ZNF182: variants seen among roughly 807,000 people sequenced by gnomAD.
The protein encoded by ZNF182 is zinc finger protein 182.
A neutral mutation model predicts 28.1 loss-of-function variants in ZNF182; 10 were observed. That is an observed-to-expected ratio of 0.36 (90% CI 0.22 to 0.60). The LOEUF (loss-of-function observed/expected upper bound fraction) is 0.60. Ranked by LOEUF, ZNF182 falls within the 20% of genes least tolerant of loss-of-function variation. The pLI is 0.75. For missense variants in ZNF182, 352 were observed against 453.2 expected (o/e 0.78, Z 2.03); for synonymous variants, 156 against 158.7 (o/e 0.98, Z 0.13).
Position 47,981,674 on chromosome X carries a change from G to A in ZNF182, c.232+1275C>T, listed in dbSNP as rs782294513. Among the ~76,000 whole-genome samples, 3 of 111,902 alleles carry A rather than the reference G, an allele frequency of 2.7e-5. No individual in the cohort carries two copies. The Admixed American group carries it at 2.8e-4, about 11-fold the overall frequency. ...CCAGCACTTTGGGAGGCCAAGGCAG[G>A]TGGATCACAAGGTCAGGAGATCGAG... On this transcript the variant is annotated intron_variant, in intron 5 of 5. Transcript: ENST00000376943.
intron 3 of ZNF182, among the ~76,000 whole-genome samples, chrX:47,992,451 C>T (rs782482979): frequency 7.2e-5 from 8 of 110,723 alleles, no homozygotes; most frequent in African/African-American, 2.0e-4. Flanking sequence ...CCCTCTGATC[C>T]CCACACCCCA....
chrX:47,988,258 A>G (rs1569409954), intron 3 of ZNF182, among the ~76,000 whole-genome samples: 1 of 110,647 alleles, frequency 9.0e-6, no homozygotes. Flanking sequence ...CGGAGGTTGC[A>G]GTGAGCTGAG....
At chrX:47,994,826 A>G (rs1281535826) in intron 3 of ZNF182, among the ~76,000 whole-genome samples, 4 of 109,989 alleles carry the variant, frequency 3.6e-5, no homozygotes, top group Non-Finnish European at 7.6e-5. Flanking sequence ...CTTAGTAGAG[A>G]CAGGGTTTCG....
Position 47,988,634 on chromosome X carries a change from C to T in ZNF182, c.16-5223G>A, listed in dbSNP as rs782295432. 1.6e-4 allele frequency: 57 copies of T among 366,100 alleles called. No homozygotes were observed. The South Asian group carries it at 3.5e-3, about 23-fold the overall frequency. The allele number at this position is 366,100 out of a possible 1,213,427, so 30.2% of individuals were successfully genotyped here. ...CTTGCAGGACTGTGAGCCAAATAAACCACTTTTCTTTATAACTTTTTTTTT... is the reference window on the plus strand; with the variant it reads ...CTTGCAGGACTGTGAGCCAAATAAATCACTTTTCTTTATAACTTTTTTTTT... On this transcript the variant is annotated intron_variant, in intron 3 of 5. Coordinates refer to ENST00000376943, the MANE Select transcript of ZNF182 (RefSeq NM_001007088.2).
At position 47,975,085 on chromosome X, in the gene ZNF182, T is replaced by C. The variant is rs2058877693; in HGVS notation, c.*1082A>G. 1 of 111,740 alleles carries C rather than the reference T, an allele frequency of 8.9e-6. No individual in the cohort carries two copies. The highest frequency in any genetic ancestry group is 9.5e-5 in the Admixed American group (1 of 10,519). 9.2% of individuals were successfully genotyped at this position (111,740 alleles called of 1,213,427 possible). On this transcript the variant is annotated 3_prime_UTR_variant, in exon 6 of 6. Transcript: ENST00000376943. ...ACTTACCATTTTTCTCCTTTTTATA[T>C]ACAAATGGCAGTCACTGTCCTCAAC...
chrX:47,989,717 A>T (rs782123407), intron 3 of ZNF182, among the ~76,000 whole-genome samples: 1 of 112,356 alleles, frequency 8.9e-6, no homozygotes, highest in Non-Finnish European at 1.9e-5. Context: ...ATTTAATGAT[A>T]TAGGAGAATG....
chrX:48,001,531 G>A (rs919274048), intron 3 of ZNF182, among the ~76,000 whole-genome samples: 5 of 111,799 alleles, frequency 4.5e-5, no homozygotes, highest in Admixed American at 1.9e-4. Flanking sequence ...CAAGAGTTTA[G>A]GAATGGGTAT....
chrX:47,986,693 G>C (rs1343985639), intron 3 of ZNF182, among the ~76,000 whole-genome samples: 2 of 111,501 alleles, frequency 1.8e-5, no homozygotes, highest in African/African-American at 6.5e-5. Context: ...ATTAACATTT[G>C]AGTCAATGGA....
rs782062297 is a variant in ZNF182 at position 47,982,950 on chromosome X, T to C, written c.231A>G (p.Pro77=). The C allele has an allele frequency of 8.3e-7, 1 of 1,210,492 alleles. No homozygotes were observed. Among genetic ancestry groups the C allele is most frequent in the Admixed American group, 2.2e-5 (1 of 46,022 alleles). The change falls in exon 5 of 6, where the codon CCA becomes CCG. Residue 77 remains proline, a splice_region_variant and synonymous_variant. Transcript: ENST00000376943. ...AGCCTGGGTCAAAATTCCACTTACC[T>C]GGAAAGTTCCAAAATGGGATTTTTC... The part of the protein sequence containing the change: ...AEGKIPFWNF[P]EVCQVDEQIE...
At chrX:47,995,793 C>T (rs1307094465) in intron 3 of ZNF182, among the ~76,000 whole-genome samples, 1 of 112,517 alleles carries the variant, frequency 8.9e-6, no homozygotes, top group East Asian at 2.8e-4. Context: ...AGGAGAACAA[C>T]TATTTAAATG....
chrX:47,994,646 T>C (rs2058952380), intron 3 of ZNF182, among the ~76,000 whole-genome samples: 1 of 111,711 alleles, frequency 9.0e-6, no homozygotes, highest in Admixed American at 9.4e-5. Flanking sequence ...ATCATACTTT[T>C]TTGTGTGTGT....
At chrX:47,995,930 G>A (rs2058957196) in intron 3 of ZNF182, among the ~76,000 whole-genome samples, 2 of 112,532 alleles carry the variant, frequency 1.8e-5, no homozygotes, top group Admixed American at 9.4e-5. Context: ...AGAAATGAAG[G>A]TGAAAGAAGA....
Position 47,976,305 on chromosome X carries a change from T to A in ZNF182, c.1725A>T (p.Gly575=). The A allele has an allele frequency of 8.3e-7, 1 of 1,207,634 alleles. No individual in the cohort carries two copies. Among genetic ancestry groups the A allele is most frequent in the Non-Finnish European group, 1.1e-6 (1 of 894,039 alleles). ...ATTCTGTACATTTATAGGGTTTCTC[T>A]CCAGTATGAGTTCTTTGATGTACAG... ...TFTVHQRTHT[G]EKPYKCTECG... is the part of the protein sequence containing the mutation. Residue 575 remains glycine, a synonymous_variant, in exon 6 of 6, where the codon GGA becomes GGT. Coordinates refer to ENST00000376943, the MANE Select transcript of ZNF182 (RefSeq NM_001007088.2).
In ZNF182 at chrX:47,977,316, C is replaced by T. The variant is rs1334224124; in HGVS notation, c.714G>A (p.Thr238=). The T allele has an allele frequency of 8.3e-7, 1 of 1,209,812 alleles. No individual in the cohort carries two copies. Among genetic ancestry groups the T allele is most frequent in the South Asian group, 1.8e-5 (1 of 56,524 alleles). The change falls in exon 6 of 6, where the codon ACG becomes ACA. Residue 238 remains threonine, a synonymous_variant. Transcript: ENST00000376943. The part of the protein sequence containing the change: ...SHLIVHWRTH[T]GEKPFGCTEC... The stretch of plus-strand genomic sequence containing the variant: ...CGGTACATCCAAAAGGTTTCTCTCC[C>T]GTATGAGTTCTCCAATGTACAATGA...
At position 48,002,651 on chromosome X, in the gene ZNF182, G is replaced by A. The variant is rs369321138; in HGVS notation, c.-42C>T. 1.5e-4 allele frequency: 182 copies of A among 1,203,955 alleles called. 1 individual carries two copies. Among genetic ancestry groups the A allele is most frequent in the Non-Finnish European group, 1.9e-4 (166 of 891,525 alleles). On this transcript the variant is annotated splice_region_variant and 5_prime_UTR_variant, in exon 3 of 6. Coordinates refer to ENST00000376943, the MANE Select transcript of ZNF182 (RefSeq NM_001007088.2). ...GAAAAAGCAGAGATGTGTGACGGCC[G>A]AGCTGGAACAAGTGGAGAAGAGTAC...
intron 4 of ZNF182, 95 bp from the exon 5 acceptor site, chrX:47,983,133 C>T: frequency 9.0e-7 from 1 of 1,107,820 alleles, no homozygotes; most frequent in Non-Finnish European, 1.2e-6. Flanking sequence ...GAATCTATTG[C>T]TTGACATAAT....
At chrX:47,989,711 A>G (rs1240478678) in intron 3 of ZNF182, among the ~76,000 whole-genome samples, 4 of 112,344 alleles carry the variant, frequency 3.6e-5, no homozygotes, top group Non-Finnish European at 7.5e-5. Context: ...AGTGTAATTT[A>G]ATGATATAGG....
intron 3 of ZNF182, among the ~76,000 whole-genome samples, chrX:47,995,609 T>A (rs2058956162): frequency 9.0e-6 from 1 of 111,499 alleles, no homozygotes; most frequent in South Asian, 3.7e-4. Flanking sequence ...CAGAAAAATA[T>A]CTGGAAGAAA....
At chrX:47,986,615 A>C (rs1222727905) in intron 3 of ZNF182, among the ~76,000 whole-genome samples, 7 of 111,870 alleles carry the variant, frequency 6.3e-5, no homozygotes, top group African/African-American at 2.3e-4. Flanking sequence ...ATTGAGTGTC[A>C]ACTTGATTGG....
Sources: gnomAD v4.1 joint callset for allele counts (sites outside exome capture counted in the v4.1 genomes callset) on GRCh38, gnomAD v4.1.1 for gene constraint, MANE v1.5 for transcripts, NCBI Gene and HGNC (gene_info 2026-07-23, HGNC 2026-07-21) for gene names.